EHMT1: variants seen among roughly 807,000 people sequenced by gnomAD.
The protein encoded by EHMT1 is histone-lysine N-methyltransferase EHMT1.
In EHMT1, 15 loss-of-function variants were observed where a neutral mutation model predicts 147.2. The ratio of observed to expected loss-of-function variants is 0.10; its 90% CI spans 0.07 to 0.16. The LOEUF (loss-of-function observed/expected upper bound fraction) is 0.16. Ranked by LOEUF, EHMT1 falls within the 10% of genes least tolerant of loss-of-function variation. The pLI is 1.00. For synonymous variants in EHMT1, 795 were observed against 709.6 expected, an observed-to-expected ratio of 1.12 and a Z score of -1.91; for missense variants, 1,587 against 1,772.4, an observed-to-expected ratio of 0.90 and a Z score of 1.88.
intron 1 of EHMT1, among the ~76,000 whole-genome samples, chr9:137,689,166 TC>T (rs1942720457): frequency 6.6e-6 from 1 of 152,196 alleles, no homozygotes; most frequent in Non-Finnish European, 1.5e-5. Context: ...AAAAGAAGTC[TC>T]TATGTATAAT....
intron 8 of EHMT1, among the ~76,000 whole-genome samples, chr9:137,754,763 C>T (rs186260619): frequency 4.5e-4 from 68 of 152,282 alleles, no homozygotes; most frequent in Middle Eastern, 3.4e-3. Flanking sequence ...GCGATCTGCC[C>T]GTTTTGGCCT....
At chr9:137,691,003 G>A (rs1355670070) in intron 1 of EHMT1, among the ~76,000 whole-genome samples, 1 of 152,164 alleles carries the variant, frequency 6.6e-6, no homozygotes, top group Non-Finnish European at 1.5e-5. Flanking sequence ...GTATTGTTAA[G>A]TATATTCACA....
Position 137,671,669 on chromosome 9 carries a change from C to T in EHMT1, c.22-39298C>T, listed in dbSNP as rs182287548. Among the ~76,000 whole-genome samples, 55 of 152,036 alleles carry T rather than the reference C, an allele frequency of 3.6e-4. No individual in the cohort carries two copies. In the East Asian group the frequency reaches 9.7e-3, roughly 27 times the overall value. On this transcript the variant is annotated intron_variant, in intron 1 of 26. Transcript: ENST00000460843. The stretch of plus-strand genomic sequence containing the variant: ...CCTCTCAGGTAGCTTGGACTACAGG[C>T]GTGTGCCACCATGCCCAGCTAATTT...
intron 1 of EHMT1, among the ~76,000 whole-genome samples, chr9:137,625,530 G>A (rs574705541): frequency 2.5e-4 from 38 of 152,008 alleles, no homozygotes; most frequent in African/African-American, 8.0e-4. Flanking sequence ...TAGAGATGGG[G>A]TTTTGTCATG....
At position 137,787,804 on chromosome 9, in the gene EHMT1, A is replaced by G. The variant is rs1952110297; in HGVS notation, c.2383-3044A>G. On this transcript the variant is annotated intron_variant, in intron 15 of 26. Coordinates refer to ENST00000460843, the MANE Select transcript of EHMT1 (RefSeq NM_024757.5). This position sits in a 1 kb window ranked among gnomAD's most constrained non-coding sequence, Gnocchi z 4.2. The stretch of plus-strand genomic sequence containing the variant: ...CTAGATCCCAGCCCTGGGGGCCCTC[A>G]GGTTTCAGGGGCCACCCCCCAGTAG... 3 of 869,658 alleles carry G rather than the reference A, an allele frequency of 3.4e-6. No homozygotes were observed. Among genetic ancestry groups the G allele is most frequent in the South Asian group, 1.3e-5 (1 of 76,338 alleles). The allele number at this position is 869,658 out of a possible 1,614,324, so 53.9% of individuals were successfully genotyped here.
At position 137,816,133 on chromosome 9, in the gene EHMT1, CGACA is replaced by C. The variant is rs1336975539; in HGVS notation, c.3374+76_3374+79del. 1.4e-5 allele frequency: 20 copies of C among 1,398,096 alleles called. No individual in the cohort carries two copies. The South Asian group carries it at 2.3e-4, about 16-fold the overall frequency. The allele number at this position is 1,398,096 out of a possible 1,614,324, so 86.6% of individuals were successfully genotyped here. ...GCACGTATTAGCACGGAGGTCACCCCGACAGACAAGAACTTAACGTGTTTGGATG... is the reference window on the plus strand; with the variant it reads ...GCACGTATTAGCACGGAGGTCACCCCGACAAGAACTTAACGTGTTTGGATG... On this transcript the variant is annotated intron_variant, in intron 23 of 26. Coordinates refer to ENST00000460843, the MANE Select transcript of EHMT1 (RefSeq NM_024757.5).
intron 6 of EHMT1, chr9:137,745,743 T>C (rs1185295797): frequency 2.5e-6 from 1 of 392,436 alleles, no homozygotes; most frequent in East Asian, 3.6e-5. Flanking sequence ...TGTCACAGTT[T>C]TGCTGAGTAT....
intron 1 of EHMT1, among the ~76,000 whole-genome samples, chr9:137,707,913 T>C (rs891732542): frequency 3.9e-5 from 6 of 152,202 alleles, no homozygotes; most frequent in Non-Finnish European, 7.3e-5. Flanking sequence ...GGCAGAGCTG[T>C]GCCGTGGCAG....
chr9:137,679,556 C>T (rs1941737267), intron 1 of EHMT1, among the ~76,000 whole-genome samples: 1 of 152,138 alleles, frequency 6.6e-6, no homozygotes, highest in Admixed American at 6.5e-5. Flanking sequence ...CTTACTAATT[C>T]CTGAGCACTG....
At chr9:137,814,095 C>T (rs1954733595) in intron 21 of EHMT1, among the ~76,000 whole-genome samples, 2 of 130,366 alleles carry the variant, frequency 1.5e-5, no homozygotes, top group Non-Finnish European at 3.2e-5. Context: ...CAAGGTGTGT[C>T]AGGCTCTGTG....
At chr9:137,693,236 G>T (rs1201057062) in intron 1 of EHMT1, among the ~76,000 whole-genome samples, 1 of 152,100 alleles carries the variant, frequency 6.6e-6, no homozygotes, top group Admixed American at 6.5e-5. Flanking sequence ...AAGTTAGCGG[G>T]TATCTAACAA....
chr9:137,635,746 G>A (rs1472193422), intron 1 of EHMT1, among the ~76,000 whole-genome samples: 1 of 150,960 alleles, frequency 6.6e-6, no homozygotes, highest in African/African-American at 2.4e-5. Context: ...CATGAACCTG[G>A]GAGGCGGAGC....
intron 25 of EHMT1, among the ~76,000 whole-genome samples, chr9:137,832,164 C>T (rs1163802910): frequency 6.6e-6 from 1 of 151,154 alleles, no homozygotes; most frequent in African/African-American, 2.4e-5. Context: ...TGTGCCTTCC[C>T]TCCAGTCCTA....
At chr9:137,683,690 C>T (rs1354176912) in intron 1 of EHMT1, among the ~76,000 whole-genome samples, 3 of 152,074 alleles carry the variant, frequency 2.0e-5, no homozygotes, top group Admixed American at 6.5e-5. Flanking sequence ...CCTTTATCAG[C>T]GTATTTGCAC....
Position 137,815,954 on chromosome 9 carries a change from G to A in EHMT1, c.3266G>A (p.Arg1089Gln), listed in dbSNP as rs1039353637. 8.1e-6 allele frequency: 13 copies of A among 1,604,928 alleles called. No homozygotes were observed. The highest frequency in any genetic ancestry group is 1.0e-5 in the Non-Finnish European group (12 of 1,175,888). The change falls in exon 23 of 27, where the codon CGG becomes CAG. Residue 1089 changes from arginine to glutamine, a missense_variant. Transcript: ENST00000460843. ...SMRCWYDKDGRLLPEFNMAEP... is the reference protein window; with the variant it reads ...SMRCWYDKDGQLLPEFNMAEP... Reference sequence around the variant, plus strand: ...CTGCTCATCTGTCCACAGGATGGCCGGCTCCTGCCAGAGTTCAACATGGCG... The same window carrying A: ...CTGCTCATCTGTCCACAGGATGGCCAGCTCCTGCCAGAGTTCAACATGGCG...
At position 137,716,763 on chromosome 9, in the gene EHMT1, G is replaced by C. The variant is rs777679735; in HGVS notation, c.223G>C (p.Asp75His). 31 of 1,612,890 alleles carry C rather than the reference G, an allele frequency of 1.9e-5. No individual in the cohort carries two copies. The highest frequency in any genetic ancestry group is 2.5e-5 in the Non-Finnish European group (30 of 1,179,762). The part of the protein sequence containing the change: ...SHANAAKHTQ[D>H]SARVNPQDGT... ...TGCAAATGCTGCAAAGCACACTCAG[G>C]ACAGCGCAAGGGTCAACCCCCAGGA... The change falls in exon 3 of 27, where the codon GAC becomes CAC. Residue 75 changes from aspartate to histidine, a missense_variant. This residue lies in a region of EHMT1 where 810 missense variants were observed against 673.0 expected (regional missense o/e 1.20). Transcript: ENST00000460843.
intron 25 of EHMT1, among the ~76,000 whole-genome samples, chr9:137,830,564 A>G (rs1231661340): frequency 6.6e-6 from 1 of 152,210 alleles, no homozygotes; most frequent in Non-Finnish European, 1.5e-5. Flanking sequence ...TTTAGTTTCA[A>G]AATAGCACTC....
chr9:137,796,276 T>A (rs965068012), intron 16 of EHMT1, among the ~76,000 whole-genome samples: 6 of 152,128 alleles, frequency 3.9e-5, no homozygotes, highest in African/African-American at 1.4e-4. Context: ...CAAAAATGAT[T>A]GACAAAGTTA....
chr9:137,792,292 T>G, intron 16 of EHMT1: 1 of 327,450 alleles, frequency 3.1e-6, no homozygotes, highest in South Asian at 2.6e-5. Flanking sequence ...TTGGCAAAGG[T>G]TACAAAGACC....
Sources: gnomAD v4.1 joint callset for allele counts (sites outside exome capture counted in the v4.1 genomes callset) on GRCh38, gnomAD v4.1.1 for gene constraint, gnomAD v4.1.1 regional missense constraint, Gnocchi (gnomAD v3.1) non-coding constraint, MANE v1.5 for transcripts, NCBI Gene and HGNC (gene_info 2026-07-23, HGNC 2026-07-21) for gene names.